The following FAAH2 variants were observed in gnomAD, a reference collection of about 807,000 sequenced individuals.
FAAH2 encodes fatty acid amide hydrolase 2.
FAAH2 carries 60 observed loss-of-function variants against 36.9 expected under a neutral mutation model. That is an observed-to-expected ratio of 1.63 (90% CI 1.32 to 2.02). The LOEUF (loss-of-function observed/expected upper bound fraction) is 2.02. Ranked by LOEUF, FAAH2 falls within the 30% of genes most tolerant of loss-of-function variation. The probability of loss-of-function intolerance (pLI) is 0.00; values close to 1 mark genes in which losing one functional copy is unlikely to be tolerated. For missense variants in FAAH2, 689 were observed against 397.5 expected (o/e 1.73, Z -6.23); for synonymous variants, 214 against 143.8 (o/e 1.49, Z -3.49).
At chrX:57,211,723 T>C in the FAAH2 span, among the ~76,000 whole-genome samples, 1 of 111,807 alleles carries the variant, frequency 8.9e-6, no homozygotes, top group Non-Finnish European at 1.9e-5. Flanking sequence ...CATGCCACCC[T>C]GGCTACTCAG....
At chrX:57,163,114 C>G in the FAAH2 span, among the ~76,000 whole-genome samples, 1 of 111,603 alleles carries the variant, frequency 9.0e-6, no homozygotes, top group Non-Finnish European at 1.9e-5. Context: ...GTTGGAATAC[C>G]CTGCCCTGTG....
At chrX:57,319,797 A>T (rs1225904863) in intron 3 of FAAH2, among the ~76,000 whole-genome samples, 1 of 112,241 alleles carries the variant, frequency 8.9e-6, no homozygotes, top group East Asian at 2.8e-4. Context: ...TAAACAAAAC[A>T]GCATAGTAGT....
the FAAH2 span, among the ~76,000 whole-genome samples, chrX:57,279,995 A>T: frequency 1.8e-5 from 2 of 112,101 alleles, no homozygotes; most frequent in African/African-American, 6.5e-5. Context: ...AGCTAGGTCA[A>T]TCAGGCAAGA....
At chrX:57,443,311 T>G (rs2056604080) in intron 8 of FAAH2, among the ~76,000 whole-genome samples, 1 of 111,887 alleles carries the variant, frequency 8.9e-6, no homozygotes, top group Non-Finnish European at 1.9e-5. Context: ...TGTTCATTTT[T>G]TACTCGTTTT....
chrX:57,471,183 C>T (rs2057158294), intron 10 of FAAH2, among the ~76,000 whole-genome samples: 1 of 111,625 alleles, frequency 9.0e-6, no homozygotes, highest in Admixed American at 9.5e-5. Context: ...TGGAAACTGG[C>T]ACAAGACAGG....
chrX:57,232,253 A>G, the FAAH2 span, among the ~76,000 whole-genome samples: 1 of 111,638 alleles, frequency 9.0e-6, no homozygotes, highest in Non-Finnish European at 1.9e-5. Context: ...AGTTGTGTAG[A>G]TCATGAAGAT....
intron 10 of FAAH2, among the ~76,000 whole-genome samples, chrX:57,450,166 G>C (rs1017688116): frequency 1.8e-5 from 2 of 110,415 alleles, no homozygotes; most frequent in Non-Finnish European, 3.8e-5. Context: ...TTTCCCTCTA[G>C]TTTAGCCTTG....
At chrX:57,334,033 G>T (rs143262119) in intron 4 of FAAH2, among the ~76,000 whole-genome samples, 422 of 110,797 alleles carry the variant, frequency 3.8e-3, no homozygotes, top group African/African-American at 0.013. Flanking sequence ...ACTTTGGGAG[G>T]CCAAGGCAGT....
chrX:57,476,979 A>G (rs2057282992), intron 10 of FAAH2, among the ~76,000 whole-genome samples: 1 of 109,845 alleles, frequency 9.1e-6, no homozygotes, highest in South Asian at 3.8e-4. Flanking sequence ...TTTCTAGTTT[A>G]TTTGCATAGA....
chrX:57,159,161 A>G, the FAAH2 span, among the ~76,000 whole-genome samples: 2 of 111,430 alleles, frequency 1.8e-5, no homozygotes, highest in Non-Finnish European at 1.9e-5. Flanking sequence ...GATGTGTGGC[A>G]TTATTTCTGA....
intron 5 of FAAH2, among the ~76,000 whole-genome samples, chrX:57,348,601 G>A (rs1295512240): frequency 9.0e-6 from 1 of 111,003 alleles, no homozygotes; most frequent in African/African-American, 3.3e-5. Flanking sequence ...GGCCCAACTG[G>A]TGTCAGTCCC....
the FAAH2 span, among the ~76,000 whole-genome samples, chrX:57,171,329 T>G: frequency 8.9e-6 from 1 of 111,949 alleles, no homozygotes; most frequent in African/African-American, 3.2e-5. Context: ...TTCGAGCAAT[T>G]TCCATGTGAT....
chrX:57,416,146 A>G (rs2055836372), intron 7 of FAAH2, among the ~76,000 whole-genome samples: 1 of 111,159 alleles, frequency 9.0e-6, no homozygotes, highest in Non-Finnish European at 1.9e-5. Context: ...GGTCTCCTGA[A>G]TACAGCACAC....
the FAAH2 span, among the ~76,000 whole-genome samples, chrX:57,170,605 G>C: frequency 7.2e-5 from 8 of 110,888 alleles, no homozygotes; most frequent in Non-Finnish European, 1.1e-4. Context: ...TCTGCCTTCT[G>C]AGTCTTTAAT....
intron 7 of FAAH2, among the ~76,000 whole-genome samples, chrX:57,428,083 T>A (rs1017773490): frequency 2.7e-5 from 3 of 111,729 alleles, no homozygotes. Context: ...TGTACAAAAA[T>A]TACTATTTAC....
chrX:57,211,320 G>A, the FAAH2 span, among the ~76,000 whole-genome samples: 1 of 111,448 alleles, frequency 9.0e-6, no homozygotes, highest in South Asian at 3.8e-4. Flanking sequence ...TTCTTCACTC[G>A]TCTCTGGAAC....
intron 10 of FAAH2, among the ~76,000 whole-genome samples, chrX:57,466,152 C>CTATATATATATATATATATA (rs1219532061): frequency 1.5e-5 from 1 of 66,873 alleles, no homozygotes; most frequent in Non-Finnish European, 2.7e-5. Flanking sequence ...CTCTCTCTCT[C>CTATATATATATATATATATA]TCTCTATATA....
the FAAH2 span, among the ~76,000 whole-genome samples, chrX:57,188,393 G>A: frequency 1.1e-3 from 117 of 111,085 alleles, 1 homozygote; most frequent in Non-Finnish European, 1.9e-3. Flanking sequence ...ATTTCTGAGG[G>A]ATCAGTGGTG....
At chrX:57,161,644 T>C in the FAAH2 span, among the ~76,000 whole-genome samples, 1 of 111,706 alleles carries the variant, frequency 9.0e-6, no homozygotes, top group Non-Finnish European at 1.9e-5. Context: ...TGATCTTTGT[T>C]GGTTGAAAGT....
Sources: allele counts gnomAD v4.1 joint callset (sites outside exome capture counted in the v4.1 genomes callset), GRCh38; gene constraint gnomAD v4.1.1; transcripts MANE v1.5; gene names NCBI Gene and HGNC (gene_info 2026-07-23, HGNC 2026-07-21).